The following FOXP1 variants were observed in gnomAD, a reference collection of about 807,000 sequenced individuals.
FOXP1 encodes the protein forkhead box P1.
FOXP1 carries 15 observed loss-of-function variants against 98.2 expected under a neutral mutation model. The observed-to-expected ratio is 0.15, with a 90% confidence interval of 0.10 to 0.24. The LOEUF is 0.24. FOXP1 is among the 10% of genes least tolerant of loss of function. FOXP1 has a pLI of 1.00. For missense variants in FOXP1, 633 were observed against 848.5 expected, an observed-to-expected ratio of 0.75 and a Z score of 3.15; for synonymous variants, 371 against 314.5, an observed-to-expected ratio of 1.18 and a Z score of -1.90.
At chr3:71,026,119 G>A (rs2046083121) in intron 11 of FOXP1, among the ~76,000 whole-genome samples, 1 of 152,160 alleles carries the variant, frequency 6.6e-6, no homozygotes, top group Admixed American at 6.5e-5. Context: ...GTCAAATGGA[G>A]CAAGAAAGCA....
chr3:71,108,330 T>C (rs2057614793), intron 7 of FOXP1, among the ~76,000 whole-genome samples: 1 of 152,212 alleles, frequency 6.6e-6, no homozygotes, highest in Non-Finnish European at 1.5e-5. Flanking sequence ...TTCCAAAATT[T>C]GATCAATAAA....
intron 2 of FOXP1, among the ~76,000 whole-genome samples, chr3:71,495,584 T>C (rs2091350295): frequency 6.6e-6 from 1 of 152,202 alleles, no homozygotes; most frequent in Admixed American, 6.5e-5. Context: ...TGGGTATTGT[T>C]TTAAGTCTTT....
chr3:71,050,638 T>C (rs577598194), intron 9 of FOXP1, among the ~76,000 whole-genome samples: 2 of 152,348 alleles, frequency 1.3e-5, no homozygotes, highest in African/African-American at 4.8e-5. Flanking sequence ...CTTGAGGCTG[T>C]AACCATTTCC....
chr3:71,387,953 AAAAAG>A (rs1286528991), intron 3 of FOXP1, among the ~76,000 whole-genome samples: 1 of 152,252 alleles, frequency 6.6e-6, no homozygotes, highest in African/African-American at 2.4e-5. Flanking sequence ...AACATATAAT[AAAAAG>A]AAAAGTTCTG....
intron 2 of FOXP1, among the ~76,000 whole-genome samples, chr3:71,579,687 CT>C (rs2048008784): frequency 7.0e-6 from 1 of 143,222 alleles, no homozygotes; most frequent in South Asian, 2.2e-4. Context: ...CATACAAAAC[CT>C]TGGCTTCCCT....
chr3:71,058,021 A>G (rs2050922197), intron 7 of FOXP1, among the ~76,000 whole-genome samples: 1 of 152,228 alleles, frequency 6.6e-6, no homozygotes, highest in South Asian at 2.1e-4. Context: ...TTAAAATAAT[A>G]TGCCATATTA....
At chr3:71,265,384 T>C (rs946269457) in intron 5 of FOXP1, among the ~76,000 whole-genome samples, 4 of 152,302 alleles carry the variant, frequency 2.6e-5, no homozygotes, top group Admixed American at 1.3e-4. Context: ...ATGTAAAGAA[T>C]GGCTCCTAGT....
intron 2 of FOXP1, among the ~76,000 whole-genome samples, chr3:71,576,941 T>C (rs2047765342): frequency 6.6e-6 from 1 of 152,124 alleles, no homozygotes; most frequent in Non-Finnish European, 1.5e-5. Flanking sequence ...CAAACACCTG[T>C]TGTGTACAAG....
At chr3:71,048,861 T>C (rs1004913125) in intron 9 of FOXP1, among the ~76,000 whole-genome samples, 5 of 151,974 alleles carry the variant, frequency 3.3e-5, no homozygotes, top group African/African-American at 2.4e-5. Flanking sequence ...GTAAATGAAA[T>C]GTTTAAAAAT....
rs59674177 is a variant in FOXP1, at chr3:71,539,278, A to ATT, written c.-298+42269_-298+42270dup. 2.1e-3 allele frequency among the ~76,000 whole-genome samples: 240 copies of ATT among 114,922 alleles called. 5 individuals carry two copies. The highest frequency in any genetic ancestry group is 7.4e-3 in the African/African-American group (215 of 29,230). The allele number at this position is 114,922 out of a possible 152,430, so 75.4% of individuals were successfully genotyped here. A position where few individuals can be genotyped will look rare whatever the true frequency, so the allele number is the denominator to read the frequency against. ...AGGCACCTGCCACCATGCCCAGCTA[A>ATT]TTTTTTTTTTTTTTTTTGTATGTTA... On this transcript the variant is annotated intron_variant, in intron 2 of 20. Transcript: ENST00000649528.
In FOXP1 at chr3:71,358,992, G is replaced by A. The variant is rs536787615; in HGVS notation, c.-73+158C>T. Among the ~76,000 whole-genome samples, 4 of 152,278 alleles carry A rather than the reference G, an allele frequency of 2.6e-5. No homozygotes were observed. The East Asian group carries it at 7.7e-4, about 29-fold the overall frequency. ...GAAAACCATAAAGCTATCATGGGGGGTAGCAGCATTCAAATGCCTGCTAGC... is the reference window on the plus strand; with the variant it reads ...GAAAACCATAAAGCTATCATGGGGGATAGCAGCATTCAAATGCCTGCTAGC... On this transcript the variant is annotated intron_variant, in intron 4 of 20. Coordinates refer to ENST00000649528, the MANE Select transcript of FOXP1 (RefSeq NM_001349338.3).
chr3:71,466,325 CT>C (rs2088733639), intron 3 of FOXP1, among the ~76,000 whole-genome samples: 1 of 152,198 alleles, frequency 6.6e-6, no homozygotes, highest in South Asian at 2.1e-4. Context: ...CAGAAAACAA[CT>C]TTCCCCAGCT....
intron 3 of FOXP1, among the ~76,000 whole-genome samples, chr3:71,376,838 T>G (rs917361885): frequency 6.6e-6 from 1 of 152,122 alleles, no homozygotes; most frequent in Non-Finnish European, 1.5e-5. Context: ...CTCCAGAATG[T>G]AGAAACTGAT....
chr3:71,432,777 G>A (rs1428485994), intron 3 of FOXP1, among the ~76,000 whole-genome samples: 3 of 149,592 alleles, frequency 2.0e-5, no homozygotes, highest in East Asian at 2.0e-4. Flanking sequence ...TCAGGCTTAA[G>A]TGTGGAGCTC....
intron 1 of FOXP1, chr3:71,582,779 G>A: frequency 3.0e-6 from 3 of 985,332 alleles, no homozygotes; most frequent in Non-Finnish European, 3.6e-6. Context: ...TGTCTGGCTG[G>A]GGGTGCGCAG....
chr3:71,047,878 G>A (rs1254147954), intron 9 of FOXP1, among the ~76,000 whole-genome samples: 2 of 152,176 alleles, frequency 1.3e-5, no homozygotes, highest in African/African-American at 4.8e-5. Context: ...ATTGGACAAT[G>A]ACAGGAGGAA....
In FOXP1 at chr3:71,412,406, C is replaced by A. The variant is rs569781565; in HGVS notation, c.-167-53162G>T. ...ATGTTGAGGGGCATGATCTCATCGA[C>A]TGGGCCCCCAACGCTGCTTCTCCCT... On this transcript the variant is annotated intron_variant, in intron 3 of 20. Transcript: ENST00000649528. Among the ~76,000 whole-genome samples the A allele has an allele frequency of 4.6e-5, 7 of 152,290 alleles. No homozygotes were observed. The South Asian group carries it at 1.2e-3, about 27-fold the overall frequency.
In FOXP1 at chr3:70,977,994, G is replaced by A. The variant is rs550575614; in HGVS notation, c.1182C>T (p.Ser394=). 10 of 1,613,956 alleles carry A rather than the reference G, an allele frequency of 6.2e-6. No homozygotes were observed. Among genetic ancestry groups the A allele is most frequent in the African/African-American group, 5.3e-5 (4 of 74,900 alleles). The part of the protein sequence containing the change: ...NLVSSVTLSK[S]ASEASPQSLP... Reference sequence around the variant, plus strand: ...AGCTCTGTGGAGAAGCCTCCGATGCGGACTTGGAGAGAGTGACACTTGATA... The same window carrying A: ...AGCTCTGTGGAGAAGCCTCCGATGCAGACTTGGAGAGAGTGACACTTGATA... The change falls in exon 15 of 21, where the codon TCC becomes TCT. Residue 394 remains serine (S), a synonymous_variant. Transcript: ENST00000649528.
At chr3:71,154,821 C>G (rs1483311339) in intron 6 of FOXP1, among the ~76,000 whole-genome samples, 1 of 152,186 alleles carries the variant, frequency 6.6e-6, no homozygotes, top group Non-Finnish European at 1.5e-5. Context: ...TTAGCTGTCC[C>G]AATTCCATTA....
Sources: allele counts gnomAD v4.1 joint callset (sites outside exome capture counted in the v4.1 genomes callset), GRCh38; gene constraint gnomAD v4.1.1; transcripts MANE v1.5; gene names NCBI Gene and HGNC (gene_info 2026-07-23, HGNC 2026-07-21).